Variants in A2M observed in about 807,000 individuals in gnomAD.
A2M encodes the protein alpha-2-macroglobulin, also known as C3 and PZP-like alpha-2-macroglobulin domain-containing protein 5.
A2M carries 128 observed loss-of-function variants against 183.9 expected under a neutral mutation model. The observed-to-expected ratio is 0.70, with a 90% CI of 0.60 to 0.81. The LOEUF is 0.81. Among genes scored for constraint, A2M ranks in the 30% least tolerant of loss-of-function variants. The pLI, the probability that A2M is intolerant of heterozygous loss-of-function variation, is 0.00. For missense variants in A2M, 1,495 were observed against 1,787.6 expected (o/e 0.84, Z 2.95); for synonymous variants, 592 against 670.8 (o/e 0.88, Z 1.81).
At chr12:9,085,567 A>G (rs1157380734) in intron 22 of A2M, among the ~76,000 whole-genome samples, 1 of 152,132 alleles carries the variant, frequency 6.6e-6, no homozygotes. Context: ...AAAATTTCCA[A>G]TAAAGATACT....
At chr12:9,094,374 T>TATATATATAC (rs1491280573) in intron 17 of A2M, among the ~76,000 whole-genome samples, 2 of 139,638 alleles carry the variant, frequency 1.4e-5, no homozygotes, top group African/African-American at 5.3e-5. Context: ...TATATATATA[T>TATATATATAC]ACCTATACAT....
chr12:9,074,108 G>C (rs1025331063), intron 29 of A2M, among the ~76,000 whole-genome samples: 1 of 131,534 alleles, frequency 7.6e-6, no homozygotes, highest in African/African-American at 2.8e-5. Context: ...AAAAAAAAAA[G>C]GTGAATAGGG....
intron 12 of A2M, 22 bp from the exon 13 acceptor site, chr12:9,101,229 G>C: frequency 2.6e-6 from 4 of 1,551,792 alleles, no homozygotes; most frequent in Non-Finnish European, 3.5e-6. Flanking sequence ...GAAATAAAAA[G>C]AAATTAAATG....
At chr12:9,067,913 TCTGGGTAGCATAG>T (rs1948444097) in intron 35 of A2M, 74 bp from the exon 36 acceptor site, 4 of 1,419,262 alleles carry the variant, frequency 2.8e-6, no homozygotes, top group Non-Finnish European at 3.9e-6. Context: ...TTCCCTTAGT[TCTGGGTAGCATAG>T]TGCCCAAGGA....
At position 9,072,742 on chromosome 12, in the gene A2M, T is replaced by G; in HGVS notation, c.3886A>C (p.Asn1296His). 6.2e-7 allele frequency: 1 copy of G among 1,614,194 alleles called. No homozygotes were observed. Among genetic ancestry groups the G allele is most frequent in the Non-Finnish European group, 8.5e-7 (1 of 1,180,032 alleles). Residue 1296 changes from asparagine to histidine, a missense_variant, in exon 30 of 36, where the codon AAC becomes CAC. Transcript: ENST00000318602. Reference sequence around the variant, plus strand: ...GAGACCTGCTGCAGTAACAGGCGGTTGTTGTTGTCCACTTGGAATTTGCTG... The same window carrying G: ...GAGACCTGCTGCAGTAACAGGCGGTGGTTGTTGTCCACTTGGAATTTGCTG... The part of the protein sequence containing the change: ...FSSKFQVDNN[N>H]RLLLQQVSLP...
At chr12:9,076,570 T>C (rs1032734209) in intron 28 of A2M, among the ~76,000 whole-genome samples, 186 bp downstream of exon 28, 8 of 152,216 alleles carry the variant, frequency 5.3e-5, no homozygotes, top group African/African-American at 1.9e-4. Flanking sequence ...CGGCCTCTTG[T>C]CTTCTGATTT....
rs368521884 is a variant in A2M at position 9,113,557 on chromosome 12, G to A, written c.87-14C>T. The A allele has an allele frequency of 1.6e-4, 263 of 1,608,658 alleles. 2 individuals are homozygous for A. Among genetic ancestry groups the A allele is most frequent in the South Asian group, 2.0e-4 (18 of 90,490 alleles). On this transcript the variant is annotated splice_polypyrimidine_tract_variant and intron_variant, in intron 1 of 35. Transcript: ENST00000318602. ...ACCATATACTGCCTGGGAATGAGAC[G>A]GTTCAGTTAGAGGAAAGTGAAGGAA...
Position 9,099,632 on chromosome 12 carries a change from C to A in A2M, c.1559-109G>T, listed in dbSNP as rs752654253. 221 of 1,303,024 alleles carry A rather than the reference C, an allele frequency of 1.7e-4. 1 individual carries two copies. In the East Asian group the frequency reaches 5.4e-3, roughly 32 times the overall value. The allele number at this position is 1,303,024 out of a possible 1,614,324, so 80.7% of individuals were successfully genotyped here. ...AGATGTAACAAATGGATGATTACCT[C>A]TAAGGACTCTAGCTTTAGAAAAAAA... On this transcript the variant is annotated intron_variant, in intron 13 of 35. Coordinates refer to ENST00000318602, the MANE Select transcript of A2M (RefSeq NM_000014.6).
rs751082685 is a variant in A2M, at chr12:9,076,767, G to C, written c.3521C>G (p.Ala1174Gly). The C allele has an allele frequency of 8.7e-6, 14 of 1,613,924 alleles. No individual in the cohort carries two copies. The South Asian group carries it at 1.3e-4, about 15-fold the overall frequency. ...AGGTGTGCTCTCACCTTTCTTCACA[G>C]CTTCCTCATTAAGTGACTTGAGTAC... ...KEVLKSLNEEAVKKDNSVHWE... is the reference protein window; with the variant it reads ...KEVLKSLNEEGVKKDNSVHWE... The change falls in exon 28 of 36, where the codon GCT becomes GGT. Residue 1174 changes from alanine (A) to glycine (G), a missense_variant. Ala to Gly is a moderately conservative substitution (Grantham distance 60). Transcript: ENST00000318602.
At chr12:9,077,546 C>A in intron 26 of A2M, 126 bp from the exon 27 acceptor site, 1 of 1,459,996 alleles carries the variant, frequency 6.8e-7, no homozygotes, top group South Asian at 1.2e-5. Context: ...CAAAGTATCA[C>A]AATCAACTTT....
Position 9,095,629 on chromosome 12 carries a change from G to A in A2M, c.1923C>T (p.Asp641=). 6.2e-7 allele frequency: 1 copy of A among 1,609,854 alleles called. No homozygotes were observed. The highest frequency in any genetic ancestry group is 1.1e-5 in the South Asian group (1 of 90,998). The change falls in exon 16 of 36, where the codon GAC becomes GAT. Residue 641 remains aspartate (D), a synonymous_variant. Coordinates refer to ENST00000318602, the MANE Select transcript of A2M (RefSeq NM_000014.6). ...PGPLNDQDNE[D]CINRHNVYIN... ...TATAGACATTATGACGATTGATGCA[G>A]TCTTCATTGTCCTGGTCATTCAAAG...
chr12:9,095,161 T>C (rs1565593077), intron 16 of A2M, 77 bp from the exon 17 acceptor site: 9 of 737,318 alleles, frequency 1.2e-5, no homozygotes, highest in African/African-American at 1.8e-5. Context: ...TTTTATTGAA[T>C]TTGACAAGCA....
intron 22 of A2M, among the ~76,000 whole-genome samples, chr12:9,088,064 TA>T: frequency 6.6e-6 from 1 of 152,194 alleles, no homozygotes; most frequent in East Asian, 1.9e-4. Context: ...TTAACATAGG[TA>T]AATCTCCAAG....
Position 9,071,787 on chromosome 12 carries a change from G to A in A2M, c.4103+572C>T, listed in dbSNP as rs752751270. 3.3e-5 allele frequency among the ~76,000 whole-genome samples: 5 copies of A among 152,258 alleles called. No individual in the cohort carries two copies. The East Asian group carries it at 9.6e-4, about 29-fold the overall frequency. On this transcript the variant is annotated intron_variant, in intron 31 of 35. Transcript: ENST00000318602. ...AGGTCATGATCTCATTCTTTTTGATGTGTGCCAGTTATTTGTTACATGTAT... is the reference window on the plus strand; with the variant it reads ...AGGTCATGATCTCATTCTTTTTGATATGTGCCAGTTATTTGTTACATGTAT...
rs746476250 is a variant in A2M at position 9,098,746 on chromosome 12, C to T, written c.1712G>A (p.Ser571Asn). ...ENCLANKVDL[S>N]FSPSQSLPAS... ...TGGGAGACTTTGTGATGGGCTGAAG[C>T]TCAAATCCACCTGTGAAATTGGAAC... The change falls in exon 15 of 36, where the codon AGC (serine) becomes AAC (asparagine). Residue 571 changes from serine (S) to asparagine (N), a missense_variant. Ser to Asn is a conservative substitution (Grantham distance 46). Coordinates refer to ENST00000318602, the MANE Select transcript of A2M (RefSeq NM_000014.6). 3.1e-6 allele frequency: 5 copies of T among 1,612,804 alleles called. 1 individual carries two copies. In the South Asian group the frequency reaches 5.5e-5, roughly 18 times the overall value.
intron 22 of A2M, among the ~76,000 whole-genome samples, chr12:9,082,889 T>C (rs2137726529): frequency 6.6e-6 from 1 of 152,376 alleles, no homozygotes; most frequent in Non-Finnish European, 1.5e-5. Context: ...TATGTGTGCA[T>C]GTGTCTTTAT....
intron 31 of A2M, among the ~76,000 whole-genome samples, chr12:9,071,357 C>T (rs1805663): frequency 0.31 from 47,628 of 151,656 alleles, 7,907 homozygotes; most frequent in Admixed American, 0.36. Flanking sequence ...GTCTTGTCCC[C>T]GAGAGTTTGC....
In A2M at chr12:9,104,376, C is replaced by T. The variant is rs200364039; in HGVS notation, c.1129G>A (p.Val377Ile). ...GQVRLVDGKG[V>I]PIPNKVIFIR... The stretch of plus-strand genomic sequence containing the variant: ...AATATGACTTTATTTGGTATAGGGA[C>T]GCCTTTCCCATCTACTAGGCGCACC... Residue 377 changes from valine to isoleucine, a missense_variant, in exon 11 of 36, where the codon GTC becomes ATC. Physicochemically the swap from Val to Ile is conservative, Grantham distance 29. Transcript: ENST00000318602. 534 of 1,595,906 alleles carry T rather than the reference C, an allele frequency of 3.3e-4. No homozygotes were observed. In the Middle Eastern group the frequency reaches 5.1e-3, roughly 15 times the overall value.
At chr12:9,115,546 C>A in intron 1 of A2M, 1 of 467,206 alleles carries the variant, frequency 2.1e-6, no homozygotes, top group Non-Finnish European at 3.9e-6. Context: ...TTCTGACACC[C>A]CTTAGGAAGG....
Sources: allele counts gnomAD v4.1 joint callset (sites outside exome capture counted in the v4.1 genomes callset), GRCh38; gene constraint gnomAD v4.1.1; transcripts MANE v1.5; gene names NCBI Gene and HGNC (gene_info 2026-07-23, HGNC 2026-07-21).